SLC17A3: variants seen among roughly 807,000 people sequenced by gnomAD.
SLC17A3 encodes solute carrier family 17 member 3.
Under a neutral mutation model 60.3 loss-of-function variants are expected in SLC17A3, and 61 were observed. The ratio of observed to expected loss-of-function variants is 1.01; its 90% CI spans 0.82 to 1.25. The LOEUF (loss-of-function observed/expected upper bound fraction) is 1.25, where lower values mean the gene tolerates loss of function less well. SLC17A3 is among the 50% of genes most tolerant of loss of function. The pLI is 0.00. For synonymous variants in SLC17A3, 192 were observed against 208.9 expected, an observed-to-expected ratio of 0.92 and a Z score of 0.70; for missense variants, 624 against 594.9, an observed-to-expected ratio of 1.05 and a Z score of -0.51.
At chr6:25,858,643 T>C (rs1285650103) in intron 5 of SLC17A3, among the ~76,000 whole-genome samples, 4 of 152,214 alleles carry the variant, frequency 2.6e-5, no homozygotes, top group African/African-American at 9.6e-5. Flanking sequence ...TAGGTGGTCT[T>C]GTCCAGGACC....
chr6:25,860,503 C>A (rs1165166), intron 5 of SLC17A3, among the ~76,000 whole-genome samples: 2,182 of 152,200 alleles, frequency 0.014, 60 homozygotes, highest in African/African-American at 0.05. Context: ...CTCACTCCAC[C>A]TGCCGATGGG....
intron 11 of SLC17A3, among the ~76,000 whole-genome samples, chr6:25,849,054 A>G (rs531279053): frequency 1.5e-4 from 23 of 152,332 alleles, no homozygotes; most frequent in Middle Eastern, 3.4e-3. Flanking sequence ...AGTTCCTTGT[A>G]GATGCTGGAT....
intron 1 of SLC17A3, among the ~76,000 whole-genome samples, chr6:25,872,204 C>T (rs1419942847): frequency 6.6e-6 from 1 of 150,730 alleles, no homozygotes; most frequent in East Asian, 1.9e-4. Context: ...AGGTTTTTTA[C>T]ATCTCTTGTA....
rs1325744329 is a variant in SLC17A3 at position 25,862,008 on chromosome 6, G to A, written c.325C>T (p.Pro109Ser). 6.2e-7 allele frequency: 1 copy of A among 1,607,980 alleles called. No individual in the cohort carries two copies. Among genetic ancestry groups the A allele is most frequent in the Non-Finnish European group, 8.5e-7 (1 of 1,177,146 alleles). The part of the protein sequence containing the change: ...PAKAPVYDWS[P>S]QIQGIIFGAV... ...CCAAAGATGATGCCTTGGATTTGAG[G>A]AGACCAGTCATACACAGGAGCCTTA... Residue 109 changes from proline (P) to serine (S), a missense_variant, in exon 4 of 13, where the codon CCT becomes TCT. By Grantham distance (74) the Pro-to-Ser change is moderately conservative. Coordinates refer to ENST00000397060, the MANE Select transcript of SLC17A3 (RefSeq NM_001098486.2).
chr6:25,873,656 G>T (rs1765680694), intron 1 of SLC17A3, among the ~76,000 whole-genome samples: 2 of 151,984 alleles, frequency 1.3e-5, no homozygotes, highest in Middle Eastern at 3.2e-3. Context: ...CCAACTCACT[G>T]GATCTTGATG....
At chr6:25,861,195 G>A (rs1031417265) in intron 5 of SLC17A3, among the ~76,000 whole-genome samples, 12 of 152,070 alleles carry the variant, frequency 7.9e-5, no homozygotes, top group African/African-American at 2.9e-4. Context: ...GGACAATTGA[G>A]AGCAACTCCA....
At position 25,844,887 on chromosome 6, in the gene SLC17A3, A is replaced by T; in HGVS notation, c.*414T>A. 5.9e-6 allele frequency: 1 copy of T among 170,684 alleles called. No homozygotes were observed. The highest frequency in any genetic ancestry group is 1.4e-4 in the South Asian group (1 of 7,364). 10.6% of individuals were successfully genotyped at this position (170,684 alleles called of 1,614,324 possible). ...GGATGGAGATAAATGGAGGACATAT[A>T]GGGAAGAACACATGGACAATACTCA... On this transcript the variant is annotated 3_prime_UTR_variant, in exon 13 of 13. Transcript: ENST00000397060.
At chr6:25,862,790 TGAAAA>T (rs72324954) in intron 2 of SLC17A3, among the ~76,000 whole-genome samples, 10,195 of 151,736 alleles carry the variant, frequency 0.067, 366 homozygotes, top group Non-Finnish European at 0.087. Context: ...CACATATATA[TGAAAA>T]GAAAATATAT....
intron 11 of SLC17A3, among the ~76,000 whole-genome samples, chr6:25,848,242 C>T (rs572000134): frequency 2.0e-5 from 3 of 152,288 alleles, no homozygotes; most frequent in African/African-American, 7.2e-5. Context: ...ATAATGACTT[C>T]TTTTCTCTGG....
In SLC17A3 at chr6:25,862,262, T is replaced by C. The variant is rs377331591; in HGVS notation, c.274A>G (p.Ser92Gly). ...GCAGGAAGACTCTTTGGGGCTTTAC[T>C]TAGGCCACCAAATGAGTCAACAGGC... ...VLPVDSFGGL[S>G]KAPKSLPAKA... Residue 92 changes from serine to glycine, a missense_variant, in exon 3 of 13, where the codon AGT (serine) becomes GGT (glycine). By Grantham distance (56) the Ser-to-Gly change is moderately conservative (BLOSUM62 0). Coordinates refer to ENST00000397060, the MANE Select transcript of SLC17A3 (RefSeq NM_001098486.2). 2 of 1,613,646 alleles carry C rather than the reference T, an allele frequency of 1.2e-6. No individual in the cohort carries two copies. The highest frequency in any genetic ancestry group is 1.7e-6 in the Non-Finnish European group (2 of 1,179,728).
chr6:25,868,548 A>G (rs554027115), intron 1 of SLC17A3, 128 bp from the exon 2 acceptor site: 4 of 653,336 alleles, frequency 6.1e-6, no homozygotes, highest in East Asian at 5.5e-5. Context: ...AGGGAGGCTC[A>G]TTATCCCCTC....
chr6:25,849,770 A>G, intron 10 of SLC17A3, 35 bp downstream of exon 10: 1 of 1,608,060 alleles, frequency 6.2e-7, no homozygotes, highest in Non-Finnish European at 8.5e-7. Flanking sequence ...CTTTTAAAGA[A>G]AATGTGAAAC....
At position 25,849,872 on chromosome 6, in the gene SLC17A3, G is replaced by A. The variant is rs751954572; in HGVS notation, c.1204C>T (p.Leu402Phe). Residue 402 changes from leucine to phenylalanine, a missense_variant, in exon 10 of 13, where the codon CTC becomes TTC. Coordinates refer to ENST00000397060, the MANE Select transcript of SLC17A3 (RefSeq NM_001098486.2). ...GYITATALLT[L>F]SCGLSTLCQS... is the part of the protein sequence containing the mutation. ...CACAATGTGCTTAATCCGCAAGAGA[G>A]CGTCAGCAAGGCAGTTGCTGTGATA... 1 of 1,614,068 alleles carries A rather than the reference G, an allele frequency of 6.2e-7. No homozygotes were observed. Among genetic ancestry groups the A allele is most frequent in the Non-Finnish European group, 8.5e-7 (1 of 1,179,880 alleles).
rs1371607240 is a variant in SLC17A3, at chr6:25,849,839, C to G, written c.1237G>C (p.Gly413Arg). The G allele has an allele frequency of 2.5e-6, 4 of 1,613,822 alleles. No homozygotes were observed. The highest frequency in any genetic ancestry group is 1.7e-5 in the Admixed American group (1 of 60,000). ...ATATCTAAGACATTGATATAAATCCCTGACTGACACAATGTGCTTAATCCG... is the reference window on the plus strand; with the variant it reads ...ATATCTAAGACATTGATATAAATCCGTGACTGACACAATGTGCTTAATCCG... Reference protein sequence around the residue: ...SCGLSTLCQSGIYINVLDIAP... With the variant: ...SCGLSTLCQSRIYINVLDIAP... Residue 413 changes from glycine (G) to arginine (R), a missense_variant, in exon 10 of 13, where the codon GGG becomes CGG. By Grantham distance (125) the Gly-to-Arg change is moderately radical. Transcript: ENST00000397060.
intron 2 of SLC17A3, 83 bp from the exon 3 acceptor site, chr6:25,862,527 C>G: frequency 9.2e-7 from 1 of 1,091,576 alleles, no homozygotes; most frequent in Non-Finnish European, 1.4e-6. Flanking sequence ...TAAAAAGTAC[C>G]TGATCACTTA....
At chr6:25,851,110 G>A (rs9467621) in intron 6 of SLC17A3, among the ~76,000 whole-genome samples, 10,844 of 152,106 alleles carry the variant, frequency 0.071, 423 homozygotes, top group Non-Finnish European at 0.087. Context: ...TTTAATATTA[G>A]CCATTCTGAT....
chr6:25,861,581 A>T, intron 5 of SLC17A3, 43 bp downstream of exon 5: 1 of 1,513,564 alleles, frequency 6.6e-7, no homozygotes, highest in Non-Finnish European at 9.2e-7. Context: ...CCAGTGGGAA[A>T]ATGTTGGATT....
chr6:25,861,899 A>G lies in SLC17A3; in HGVS notation c.434T>C (p.Ile145Thr), dbSNP rs1234162370. 6.2e-7 allele frequency: 1 copy of G among 1,613,044 alleles called. No individual in the cohort carries two copies. The highest frequency in any genetic ancestry group is 1.1e-5 in the South Asian group (1 of 90,894). ...GAGAAATGAAGTTGCAAACAAAGAAATGCCAACCACTCGCTTTGTTCCTAC... is the reference window on the plus strand; with the variant it reads ...GAGAAATGAAGTTGCAAACAAAGAAGTGCCAACCACTCGCTTTGTTCCTAC... ...GRVGTKRVVGISLFATSFLTL... is the reference protein window; with the variant it reads ...GRVGTKRVVGTSLFATSFLTL... The change falls in exon 4 of 13, where the codon ATT becomes ACT. Residue 145 changes from isoleucine to threonine, a missense_variant. Physicochemically the swap from Ile to Thr is moderately conservative, Grantham distance 89 (BLOSUM62 -1). Coordinates refer to ENST00000397060, the MANE Select transcript of SLC17A3 (RefSeq NM_001098486.2).
intron 11 of SLC17A3, among the ~76,000 whole-genome samples, chr6:25,847,195 G>A (rs1389547628): frequency 2.0e-5 from 3 of 151,964 alleles, no homozygotes; most frequent in Admixed American, 6.6e-5. Flanking sequence ...CTGTTCCTGC[G>A]TTAGTTTTCT....
Sources: allele counts gnomAD v4.1 joint callset (sites outside exome capture counted in the v4.1 genomes callset), GRCh38; gene constraint gnomAD v4.1.1; transcripts MANE v1.5; gene names NCBI Gene and HGNC (gene_info 2026-07-23, HGNC 2026-07-21).